The following GRID1 variants were observed in gnomAD, a reference collection of about 807,000 sequenced individuals.
The protein encoded by GRID1 is glutamate receptor ionotropic, delta-1.
A neutral mutation model predicts 98.0 loss-of-function variants in GRID1; 28 were observed. The observed-to-expected ratio is 0.29, with a 90% CI of 0.21 to 0.39. The LOEUF is 0.39. Ranked by LOEUF, GRID1 falls within the 10% of genes least tolerant of loss-of-function variation. The pLI, the probability that GRID1 is intolerant of heterozygous loss-of-function variation, is 1.00. For synonymous variants in GRID1, 553 were observed against 538.5 expected, an observed-to-expected ratio of 1.03 and a Z score of -0.37; for missense variants, 1,111 against 1,340.5, an observed-to-expected ratio of 0.83 and a Z score of 2.67.
intron 3 of GRID1, among the ~76,000 whole-genome samples, chr10:86,185,011 A>G (rs1422381396): frequency 6.6e-6 from 1 of 152,116 alleles, no homozygotes; most frequent in Non-Finnish European, 1.5e-5. Context: ...ATTTCTACCA[A>G]AAAGAAGAAG....
At chr10:85,727,627 C>G (rs1035401701) in intron 10 of GRID1, among the ~76,000 whole-genome samples, 3 of 152,074 alleles carry the variant, frequency 2.0e-5, no homozygotes, top group African/African-American at 7.2e-5. Context: ...AAAGGAATGA[C>G]AGCAATGGGC....
At chr10:86,001,286 T>C (rs188062230) in intron 4 of GRID1, among the ~76,000 whole-genome samples, 1 of 152,128 alleles carries the variant, frequency 6.6e-6, no homozygotes, top group East Asian at 1.9e-4. Flanking sequence ...TGAATCTTTA[T>C]ATGTGTTAAA....
At chr10:85,713,932 T>G (rs2132639525) in intron 12 of GRID1, among the ~76,000 whole-genome samples, 1 of 151,914 alleles carries the variant, frequency 6.6e-6, no homozygotes, top group Admixed American at 6.6e-5. Context: ...TCCTGCAAGA[T>G]CAGGAACAAA....
At chr10:85,920,428 G>A (rs569963436) in intron 4 of GRID1, among the ~76,000 whole-genome samples, 94 of 152,256 alleles carry the variant, frequency 6.2e-4, no homozygotes, top group Non-Finnish European at 1.1e-3. Context: ...TGAAGTACAC[G>A]TGCATAATCC....
At chr10:86,218,450 T>C (rs992411317) in intron 2 of GRID1, among the ~76,000 whole-genome samples, 2 of 152,042 alleles carry the variant, frequency 1.3e-5, no homozygotes, top group Non-Finnish European at 2.9e-5. Flanking sequence ...CTAGGAAAGG[T>C]TGGAGTGGCC....
At position 86,192,542 on chromosome 10, in the gene GRID1, G is replaced by A. The variant is rs971484763; in HGVS notation, c.520+13822C>T. Among the ~76,000 whole-genome samples the A allele has an allele frequency of 4.0e-5, 6 of 149,846 alleles. No homozygotes were observed. Among genetic ancestry groups the A allele is most frequent in the Admixed American group, 4.0e-4 (6 of 15,124 alleles). ...TGCTGAGGGCTGAAGGGAGGGGGGA[G>A]ATGGGGGTCTTTGTTGAATGAGTAC... On this transcript the variant is annotated intron_variant, in intron 3 of 15. Transcript: ENST00000327946. The surrounding 1 kb of genome is among the most constrained non-coding windows in gnomAD (Gnocchi z 4.8).
In GRID1 at chr10:85,723,030, G is replaced by A. The variant is rs1207435895; in HGVS notation, c.1970C>T (p.Thr657Ile). 6.2e-7 allele frequency: 1 copy of A among 1,612,342 alleles called. No homozygotes were observed. Among genetic ancestry groups the A allele is most frequent in the South Asian group, 1.1e-5 (1 of 90,452 alleles). ...TATGGGGTTGTCCATCCTGGACACT[G>A]TGAGGAAGGCAGCAAGGTTGGCTGT... is the stretch of plus-strand genomic sequence containing the variant. ...SYTANLAAFL[T>I]VSRMDNPIRT... The change falls in exon 12 of 16, where the codon ACA becomes ATA. Residue 657 changes from threonine (T) to isoleucine (I), a missense_variant. Thr to Ile is a moderately conservative substitution (Grantham distance 89). This residue lies in a region of GRID1 where 762 missense variants were observed against 869.1 expected (regional missense o/e 0.88). Transcript: ENST00000327946.
chr10:85,600,930 G>C lies in GRID1; in HGVS notation c.*1343C>G, dbSNP rs1415476585. ...GATTGCTGCTTGAAGAGGACTCCAGGTCTGGTCTGGAGAGGGTCGTAAAGG... is the reference window on the plus strand; with the variant it reads ...GATTGCTGCTTGAAGAGGACTCCAGCTCTGGTCTGGAGAGGGTCGTAAAGG... On this transcript the variant is annotated 3_prime_UTR_variant, in exon 16 of 16. Transcript: ENST00000327946. The C allele has an allele frequency of 6.6e-6, 1 of 152,366 alleles. No homozygotes were observed. Among genetic ancestry groups the C allele is most frequent in the African/African-American group, 2.4e-5 (1 of 41,432 alleles). 9.4% of individuals were successfully genotyped at this position (152,366 alleles called of 1,614,324 possible). A position where few individuals can be genotyped will look rare whatever the true frequency, so the allele number is the denominator to read the frequency against.
intron 8 of GRID1, among the ~76,000 whole-genome samples, chr10:85,823,312 T>C (rs1842790183): frequency 6.6e-6 from 1 of 152,170 alleles, no homozygotes; most frequent in Admixed American, 6.5e-5. Context: ...TTGTAAAATA[T>C]GACTCAATCA....
rs1847619059 is a variant in GRID1, at chr10:86,297,937, G to A, written c.235+66004C>T. On this transcript the variant is annotated intron_variant, in intron 2 of 15. Transcript: ENST00000327946. ...AATTGCCACATCAAATGCTTGTTGA[G>A]TTGTGGTAAAACCAATCTTCTTGCA... 3.3e-5 allele frequency among the ~76,000 whole-genome samples: 5 copies of A among 152,202 alleles called. No individual in the cohort carries two copies. The South Asian group carries it at 1.0e-3, about 32-fold the overall frequency.
intron 4 of GRID1, among the ~76,000 whole-genome samples, chr10:86,102,608 C>T (rs560681286): frequency 6.6e-6 from 1 of 152,356 alleles, no homozygotes; most frequent in African/African-American, 2.4e-5. Flanking sequence ...GGAATGCAGG[C>T]CTGATCCCCA....
intron 4 of GRID1, among the ~76,000 whole-genome samples, chr10:86,131,804 T>G (rs1055001084): frequency 2.0e-5 from 3 of 152,190 alleles, no homozygotes; most frequent in African/African-American, 7.2e-5. Flanking sequence ...AGAATGTGTT[T>G]CATTTGCCCA....
intron 2 of GRID1, among the ~76,000 whole-genome samples, chr10:86,299,681 AG>A (rs1001015915): frequency 6.6e-6 from 1 of 152,154 alleles, no homozygotes. Context: ...GTGGATTGTG[AG>A]GGCTTAGCAG....
chr10:85,820,080 AGGC>A, intron 8 of GRID1, among the ~76,000 whole-genome samples: 1 of 100,104 alleles, frequency 1.0e-5, no homozygotes, highest in South Asian at 3.6e-4. Context: ...GAAGGCAGGT[AGGC>A]AGGCAGGCAG....
chr10:85,723,195 C>T (rs1841723617), intron 11 of GRID1, 54 bp from the exon 12 acceptor site: 6 of 1,537,648 alleles, frequency 3.9e-6, no homozygotes, highest in Non-Finnish European at 3.5e-6. Flanking sequence ...TCCCTCCTAT[C>T]CCCAGGGAGG....
chr10:85,973,633 C>G (rs1221302028), intron 4 of GRID1, among the ~76,000 whole-genome samples: 1 of 152,166 alleles, frequency 6.6e-6, no homozygotes, highest in African/African-American at 2.4e-5. Context: ...TATAAAGTAG[C>G]TTTTCCTTTC....
chr10:86,182,459 C>T (rs1384867049), intron 3 of GRID1, among the ~76,000 whole-genome samples: 3 of 152,218 alleles, frequency 2.0e-5, no homozygotes, highest in Non-Finnish European at 2.9e-5. Flanking sequence ...TGCTAATTAC[C>T]GTGCTGTCTG....
At chr10:85,875,844 TA>T (rs1421667606) in intron 5 of GRID1, among the ~76,000 whole-genome samples, 1 of 152,216 alleles carries the variant, frequency 6.6e-6, no homozygotes. Flanking sequence ...AGCCAATATT[TA>T]TCTATGTAAC....
chr10:86,119,689 C>A (rs1367788853), intron 4 of GRID1, among the ~76,000 whole-genome samples: 3 of 152,198 alleles, frequency 2.0e-5, no homozygotes, highest in African/African-American at 7.2e-5. Context: ...CCACAGGCAT[C>A]CCATCTAGGG....
Sources: gnomAD v4.1 joint callset for allele counts (sites outside exome capture counted in the v4.1 genomes callset) on GRCh38, gnomAD v4.1.1 for gene constraint, gnomAD v4.1.1 regional missense constraint, Gnocchi (gnomAD v3.1) non-coding constraint, MANE v1.5 for transcripts, NCBI Gene and HGNC (gene_info 2026-07-23, HGNC 2026-07-21) for gene names.